Variants in DYM observed in about 807,000 individuals in gnomAD.
DYM encodes the protein dymeclin.
Under a neutral mutation model 93.1 loss-of-function variants are expected in DYM, and 78 were observed. The observed-to-expected ratio is 0.84, with a 90% CI of 0.70 to 1.01. The LOEUF (loss-of-function observed/expected upper bound fraction) is 1.01. Ranked by LOEUF, DYM falls within the 50% of genes least tolerant of loss-of-function variation. The pLI is 0.00. For missense variants in DYM, 789 were observed against 845.0 expected (o/e 0.93, Z 0.82); for synonymous variants, 321 against 319.7 (o/e 1.00, Z -0.04).
intron 8 of DYM, among the ~76,000 whole-genome samples, chr18:49,296,774 A>G (rs1216404948): frequency 6.6e-6 from 1 of 152,162 alleles, no homozygotes. Context: ...GGTCCAAGTC[A>G]CAGTCATTTG....
chr18:49,374,816 G>A (rs1222408963), intron 5 of DYM, among the ~76,000 whole-genome samples: 1 of 152,030 alleles, frequency 6.6e-6, no homozygotes, highest in Non-Finnish European at 1.5e-5. Context: ...AAAAGTAACC[G>A]GGCATGGTGG....
rs1225629717 is a variant in DYM, at chr18:49,039,661, TTTCAG to T, written c.*4389_*4393del. The stretch of plus-strand genomic sequence containing the variant: ...CAATTTTTCATCTTACTCATTCTCT[TTTCAG>T]TTATTTCTAATCTGCTCTTAAACCT... On this transcript the variant is annotated 3_prime_UTR_variant, in exon 18 of 18. Coordinates refer to ENST00000675505, the MANE Select transcript of DYM (RefSeq NM_001353214.3). Among the ~76,000 whole-genome samples, 1 of 152,170 alleles carries T rather than the reference TTTCAG, an allele frequency of 6.6e-6. No homozygotes were observed.
At chr18:49,286,249 T>A (rs897564932) in intron 9 of DYM, among the ~76,000 whole-genome samples, 185 bp downstream of exon 9, 1 of 152,076 alleles carries the variant, frequency 6.6e-6, no homozygotes. Context: ...ATATAAAGGA[T>A]CAGATATAAA....
chr18:49,082,157 C>G (rs2078103558), intron 17 of DYM, among the ~76,000 whole-genome samples: 2 of 152,234 alleles, frequency 1.3e-5, no homozygotes, highest in South Asian at 4.1e-4. Context: ...CCAGAAATAT[C>G]AAGAGTCTTC....
rs186219565 is a variant in DYM, at chr18:49,044,801, G to A, written c.2026-597C>T. Among the ~76,000 whole-genome samples, 334 of 152,362 alleles carry A rather than the reference G, an allele frequency of 2.2e-3. 2 individuals are homozygous for A. Among genetic ancestry groups the A allele is most frequent in the Middle Eastern group, 0.01 (3 of 294 alleles). On this transcript the variant is annotated intron_variant, in intron 17 of 17. Transcript: ENST00000675505. The stretch of plus-strand genomic sequence containing the variant: ...AGCAATGGCTTTGGCTTTGCGGAGA[G>A]GGAGCCCGAGGCTGCTCCTCATGGA...
chr18:49,231,470 T>G (rs2093692503), intron 13 of DYM, among the ~76,000 whole-genome samples: 1 of 152,182 alleles, frequency 6.6e-6, no homozygotes, highest in Non-Finnish European at 1.5e-5. Context: ...TTACCCAATT[T>G]TCCATCCATC....
At position 49,253,496 on chromosome 18, in the gene DYM, CAA is replaced by C. The variant is rs2094331108; in HGVS notation, c.1460+3512_1460+3513del. 1.3e-5 allele frequency among the ~76,000 whole-genome samples: 2 copies of C among 152,294 alleles called. 1 individual carries two copies. The highest frequency in any genetic ancestry group is 4.1e-4 in the South Asian group (2 of 4,828). On this transcript the variant is annotated intron_variant, in intron 13 of 17. Transcript: ENST00000675505. ...ACATAATGATTTCCAGGCCAAAACT[CAA>C]AAGTGTTTTCTAAACTTTAATGTGG...
At chr18:49,191,235 A>T (rs2090942381) in intron 14 of DYM, among the ~76,000 whole-genome samples, 1 of 152,194 alleles carries the variant, frequency 6.6e-6, no homozygotes, top group African/African-American at 2.4e-5. Flanking sequence ...ACTAAACAGA[A>T]GAATGACAAG....
chr18:49,360,258 G>GT (rs1599666179), intron 6 of DYM, among the ~76,000 whole-genome samples: 1 of 77,854 alleles, frequency 1.3e-5, no homozygotes, highest in East Asian at 3.2e-4. Flanking sequence ...ATCAATAAAG[G>GT]CAAAAAAAAA....
At chr18:49,313,520 CA>C (rs112558499) in intron 8 of DYM, among the ~76,000 whole-genome samples, 1,430 of 129,544 alleles carry the variant, frequency 0.011, 25 homozygotes, top group African/African-American at 0.04. Context: ...AAAACCTGGC[CA>C]AAACCTGTCA....
intron 5 of DYM, among the ~76,000 whole-genome samples, chr18:49,366,081 T>TA (rs34868435): frequency 5.3e-4 from 79 of 150,458 alleles, no homozygotes; most frequent in African/African-American, 1.8e-3. Context: ...TTCCATTCAC[T>TA]AAAAAAAAAA....
chr18:49,441,091 A>T (rs192181954), intron 1 of DYM, among the ~76,000 whole-genome samples: 1 of 9,622 alleles, frequency 1.0e-4, no homozygotes, highest in African/African-American at 2.8e-4. Flanking sequence ...ATTATATATT[A>T]TATATAAATA....
At chr18:49,354,885 TA>T (rs1417184871) in intron 6 of DYM, among the ~76,000 whole-genome samples, 1 of 152,156 alleles carries the variant, frequency 6.6e-6, no homozygotes, top group Non-Finnish European at 1.5e-5. Flanking sequence ...CTTACAAAAT[TA>T]AACATACTTT....
At chr18:49,158,810 T>C (rs990798484) in intron 15 of DYM, among the ~76,000 whole-genome samples, 3 of 152,088 alleles carry the variant, frequency 2.0e-5, no homozygotes, top group African/African-American at 7.2e-5. Flanking sequence ...TATAGTTGGA[T>C]AGAATCAAGA....
intron 17 of DYM, among the ~76,000 whole-genome samples, chr18:49,075,338 C>T (rs937137167): frequency 6.6e-6 from 1 of 152,138 alleles, no homozygotes; most frequent in African/African-American, 2.4e-5. Flanking sequence ...TGGGGACAGA[C>T]AAAGCCTGAA....
intron 3 of DYM, among the ~76,000 whole-genome samples, chr18:49,388,016 A>G (rs1321806733): frequency 6.6e-6 from 1 of 152,218 alleles, no homozygotes; most frequent in Non-Finnish European, 1.5e-5. Context: ...CTCAGTAGAT[A>G]GTTTTAACAG....
At chr18:49,361,148 G>C (rs1027347910) in intron 6 of DYM, among the ~76,000 whole-genome samples, 2 of 152,202 alleles carry the variant, frequency 1.3e-5, no homozygotes, top group African/African-American at 2.4e-5. Context: ...TGGAAGGGGA[G>C]AAAGGATGTC....
intron 3 of DYM, 86 bp from the exon 4 acceptor site, chr18:49,379,844 T>C (rs111363453): frequency 8.7e-7 from 1 of 1,149,510 alleles, no homozygotes; most frequent in Non-Finnish European, 1.3e-6. Flanking sequence ...AAACCAAATG[T>C]CATATTAAAA....
At chr18:49,223,822 C>T (rs1446495077) in intron 13 of DYM, among the ~76,000 whole-genome samples, 1 of 152,024 alleles carries the variant, frequency 6.6e-6, no homozygotes, top group Non-Finnish European at 1.5e-5. Flanking sequence ...TGGAAGGAAA[C>T]ATGTCTCCTA....
Sources: allele counts gnomAD v4.1 joint callset (sites outside exome capture counted in the v4.1 genomes callset), GRCh38; gene constraint gnomAD v4.1.1; transcripts MANE v1.5; gene names NCBI Gene and HGNC (gene_info 2026-07-23, HGNC 2026-07-21).